PLCG2: variants seen among roughly 807,000 people sequenced by gnomAD.
PLCG2 encodes phospholipase C gamma 2.
Under a neutral mutation model 175.6 loss-of-function variants are expected in PLCG2, and 69 were observed. That is an observed-to-expected ratio of 0.39 (90% CI 0.32 to 0.48). The LOEUF (loss-of-function observed/expected upper bound fraction) is 0.48. Among genes scored for constraint, PLCG2 ranks in the 20% least tolerant of loss-of-function variants. PLCG2 has a pLI of 0.91. For missense variants in PLCG2, 1,798 were observed against 1,650.9 expected (o/e 1.09, Z -1.54); for synonymous variants, 827 against 624.0 (o/e 1.33, Z -4.85).
intron 7 of PLCG2, among the ~76,000 whole-genome samples, chr16:81,871,485 T>G (rs1907512612): frequency 6.6e-6 from 1 of 152,096 alleles, no homozygotes; most frequent in South Asian, 2.1e-4. Flanking sequence ...ATTGCAGACG[T>G]GCGCCACCAC....
upstream of PLCG2, among the ~76,000 whole-genome samples, chr16:81,776,442 A>C (rs1252871332): frequency 2.0e-5 from 3 of 151,330 alleles, no homozygotes; most frequent in Admixed American, 2.0e-4. Context: ...ATTTTATTCC[A>C]TGGAAAAGAA....
At chr16:81,744,699 G>A (rs1909669820) in intron 1 of PLCG2, among the ~76,000 whole-genome samples, 2 of 152,074 alleles carry the variant, frequency 1.3e-5, no homozygotes, top group Non-Finnish European at 2.9e-5. Context: ...AGCCTCTTGA[G>A]TAGCTGGGTC....
chr16:81,927,264 A>G, intron 23 of PLCG2, 86 bp downstream of exon 23: 3 of 866,170 alleles, frequency 3.5e-6, no homozygotes, highest in Non-Finnish European at 5.9e-6. Context: ...CAGTGGGTGA[A>G]TTTTTCCATG....
chr16:81,900,484 G>T (rs1567523401), intron 13 of PLCG2, 128 bp from the exon 14 acceptor site: 1 of 709,778 alleles, frequency 1.4e-6, no homozygotes, highest in Non-Finnish European at 2.2e-6. Context: ...GAGGGCAGAT[G>T]TGGGGGTTGT....
At chr16:81,801,589 C>T (rs1014958643) in intron 2 of PLCG2, among the ~76,000 whole-genome samples, 1 of 152,260 alleles carries the variant, frequency 6.6e-6, no homozygotes, top group Non-Finnish European at 1.5e-5. Context: ...AACACGTCTT[C>T]GCTATTGTTT....
At chr16:81,861,567 G>A (rs1008642741) in intron 5 of PLCG2, among the ~76,000 whole-genome samples, 5 of 152,186 alleles carry the variant, frequency 3.3e-5, no homozygotes, top group African/African-American at 4.8e-5. Flanking sequence ...GCTCCGCCAC[G>A]CTGGGCCACC....
chr16:81,798,422 T>A (rs896695910), intron 2 of PLCG2: 1 of 152,414 alleles, frequency 6.6e-6, no homozygotes, highest in African/African-American at 2.4e-5. Flanking sequence ...CTCTTGGACC[T>A]GAGCCTGGAT....
At chr16:81,863,235 A>C (rs375635714) in intron 5 of PLCG2, among the ~76,000 whole-genome samples, 2 of 152,024 alleles carry the variant, frequency 1.3e-5, no homozygotes, top group East Asian at 3.9e-4. Context: ...GGAAATCACC[A>C]CTCTACTGTC....
chr16:81,901,367 A>G (rs1344004756), intron 14 of PLCG2, among the ~76,000 whole-genome samples: 2 of 152,138 alleles, frequency 1.3e-5, no homozygotes, highest in Non-Finnish European at 2.9e-5. Context: ...GGATAAAGAG[A>G]CCATATATGC....
Position 81,757,932 on chromosome 16 carries a change from C to T in PLCG2, c.-48+1966C>T, listed in dbSNP as rs189528536. ...ATAATATGTGGCCTTTTGTGTCAGG[C>T]TTCTTTCACTTAGCATCATGTGCTG... is the stretch of plus-strand genomic sequence containing the variant. On this transcript the variant is annotated intron_variant, in intron 2 of 5. Transcript: ENST00000565054. 4.3e-4 allele frequency among the ~76,000 whole-genome samples: 65 copies of T among 152,200 alleles called. 1 individual carries two copies. The highest frequency in any genetic ancestry group is 1.5e-3 in the African/African-American group (62 of 41,544).
intron 2 of PLCG2, among the ~76,000 whole-genome samples, chr16:81,813,398 G>C (rs917383065): frequency 2.0e-5 from 3 of 152,172 alleles, no homozygotes; most frequent in Non-Finnish European, 4.4e-5. Context: ...TCCCTTGTAA[G>C]TTGTATTCCT....
chr16:81,763,181 A>G (rs1910075676), intron 2 of PLCG2, among the ~76,000 whole-genome samples: 1 of 152,268 alleles, frequency 6.6e-6, no homozygotes, highest in African/African-American at 2.4e-5. Flanking sequence ...GGAAAGTTCC[A>G]GATGGGAGAA....
At chr16:81,811,290 T>C (rs144603102) in intron 2 of PLCG2, among the ~76,000 whole-genome samples, 4 of 152,154 alleles carry the variant, frequency 2.6e-5, no homozygotes, top group African/African-American at 7.2e-5. Flanking sequence ...AGAGATCGGG[T>C]ATGTAAAACC....
At chr16:81,749,151 C>G (rs1046988666) in intron 1 of PLCG2, among the ~76,000 whole-genome samples, 5 of 152,110 alleles carry the variant, frequency 3.3e-5, no homozygotes, top group Non-Finnish European at 7.4e-5. Flanking sequence ...TTTACATGTT[C>G]TCACACTACT....
intron 2 of PLCG2, among the ~76,000 whole-genome samples, chr16:81,831,909 C>G (rs1235410476): frequency 1.3e-5 from 2 of 152,220 alleles, no homozygotes; most frequent in East Asian, 1.9e-4. Flanking sequence ...TTGCTAACCA[C>G]AAATGAAGAC....
At chr16:81,904,360 CCT>C (rs1260541521) in intron 14 of PLCG2, among the ~76,000 whole-genome samples, 4 of 152,180 alleles carry the variant, frequency 2.6e-5, no homozygotes, top group Non-Finnish European at 4.4e-5. Context: ...GATCTGACCC[CCT>C]ATCCTGAGCT....
intron 2 of PLCG2, among the ~76,000 whole-genome samples, chr16:81,772,327 C>T (rs899889948): frequency 6.6e-6 from 1 of 152,270 alleles, no homozygotes; most frequent in East Asian, 1.9e-4. Flanking sequence ...GGCAGATTCT[C>T]ACCTAGGGCC....
At chr16:81,800,298 A>G (rs753154688) in intron 2 of PLCG2, among the ~76,000 whole-genome samples, 3 of 152,140 alleles carry the variant, frequency 2.0e-5, no homozygotes, top group African/African-American at 4.8e-5. Flanking sequence ...TGCTGCACCT[A>G]TCAGCTCATC....
rs573810461 is a variant in PLCG2 at position 81,926,448 on chromosome 16, A to G, written c.2418-634A>G. Among the ~76,000 whole-genome samples, 235 of 152,328 alleles carry G rather than the reference A, an allele frequency of 1.5e-3. 1 individual carries two copies. The highest frequency in any genetic ancestry group is 5.3e-3 in the African/African-American group (222 of 41,574). On this transcript the variant is annotated intron_variant, in intron 22 of 32. Coordinates refer to ENST00000564138, the MANE Select transcript of PLCG2 (RefSeq NM_002661.5). ...GCTCACCGTCTGGTGGGGTCCAGGA[A>G]CATTCATAGATGGATTATGTCCCGT... is the stretch of plus-strand genomic sequence containing the variant.
Sources: allele counts gnomAD v4.1 joint callset (sites outside exome capture counted in the v4.1 genomes callset), GRCh38; gene constraint gnomAD v4.1.1; transcripts MANE v1.5; gene names NCBI Gene and HGNC (gene_info 2026-07-23, HGNC 2026-07-21).